DESI2: variants seen among roughly 807,000 people sequenced by gnomAD.
The protein encoded by DESI2 is deubiquitinase DESI2.
Under a neutral mutation model 24.1 loss-of-function variants are expected in DESI2, and 10 were observed. The ratio of observed to expected loss-of-function variants is 0.41; its 90% CI spans 0.26 to 0.70. The LOEUF is 0.70. DESI2 is among the 30% of genes least tolerant of loss of function. DESI2 has a pLI of 0.29. For missense variants in DESI2, 122 were observed against 234.9 expected, an observed-to-expected ratio of 0.52 and a Z score of 3.14; for synonymous variants, 71 against 87.7, an observed-to-expected ratio of 0.81 and a Z score of 1.06.
intron 1 of DESI2, among the ~76,000 whole-genome samples, chr1:244,678,921 G>T (rs1437275601): frequency 6.6e-6 from 1 of 152,170 alleles, no homozygotes; most frequent in Non-Finnish European, 1.5e-5. Flanking sequence ...TTCTCAATTG[G>T]AAAAGGCAAT....
In DESI2 at chr1:244,675,058, G is replaced by A. The variant is rs191854528; in HGVS notation, c.43-11539G>A. Among the ~76,000 whole-genome samples the A allele has an allele frequency of 3.3e-5, 5 of 152,296 alleles. No homozygotes were observed. In the East Asian group the frequency reaches 9.6e-4, roughly 29 times the overall value. On this transcript the variant is annotated intron_variant, in intron 1 of 4. Coordinates refer to ENST00000302550, the MANE Select transcript of DESI2 (RefSeq NM_016076.5). Reference sequence around the variant, plus strand: ...TTTGATTATAGTCATCTGAGTAGGTGTGACATGATAGATAATGGTGGTTTT... The same window carrying A: ...TTTGATTATAGTCATCTGAGTAGGTATGACATGATAGATAATGGTGGTTTT...
chr1:244,690,523 C>T (rs953248513), intron 3 of DESI2, among the ~76,000 whole-genome samples: 11 of 151,976 alleles, frequency 7.2e-5, no homozygotes, highest in Admixed American at 3.9e-4. Flanking sequence ...CTGGGCAACA[C>T]GGTGAAACCC....
chr1:244,655,477 TCAGCAACCTAC>T (rs561379790), intron 1 of DESI2, among the ~76,000 whole-genome samples: 1 of 152,336 alleles, frequency 6.6e-6, no homozygotes, highest in Admixed American at 6.5e-5. Context: ...TGTCACTAAT[TCAGCAACCTAC>T]CATTACTTAT....
chr1:244,683,392 A>G (rs1322427020), intron 1 of DESI2, among the ~76,000 whole-genome samples: 1 of 151,844 alleles, frequency 6.6e-6, no homozygotes, highest in Non-Finnish European at 1.5e-5. Context: ...GCTCACTGCA[A>G]GCTCCGCCTC....
chr1:244,672,899 T>TGC (rs1676296526), intron 1 of DESI2, among the ~76,000 whole-genome samples: 1 of 138,268 alleles, frequency 7.2e-6, no homozygotes, highest in African/African-American at 2.7e-5. Context: ...ATAATAATAA[T>TGC]AGCAGTTATT....
chr1:244,671,093 G>A (rs1053893884), intron 1 of DESI2, among the ~76,000 whole-genome samples: 1 of 152,216 alleles, frequency 6.6e-6, no homozygotes, highest in African/African-American at 2.4e-5. Flanking sequence ...GGATGTTGTG[G>A]TAACTCTTCT....
intron 1 of DESI2, chr1:244,653,928 T>C (rs569511384): frequency 2.1e-6 from 1 of 471,206 alleles, no homozygotes; most frequent in African/African-American, 2.0e-5. Flanking sequence ...CTCGTTAAAA[T>C]ATGAATGAGG....
intron 4 of DESI2, among the ~76,000 whole-genome samples, chr1:244,699,669 T>C (rs551477795): frequency 6.7e-6 from 1 of 149,618 alleles, no homozygotes; most frequent in East Asian, 2.0e-4. Flanking sequence ...ACAAAAGGTC[T>C]GGATGAGAGT....
chr1:244,701,207 TCCCCTCCACCCCCCCCCCC>T (rs1677440132), intron 4 of DESI2, among the ~76,000 whole-genome samples: 1 of 39,628 alleles, frequency 2.5e-5, no homozygotes, highest in Non-Finnish European at 3.7e-5. Context: ...TGGACCACCT[TCCCCTCCACCCCCCCCCCC>T]CCCCCCCCGC....
chr1:244,661,992 TC>T (rs1325143621), intron 1 of DESI2, among the ~76,000 whole-genome samples: 1 of 152,214 alleles, frequency 6.6e-6, no homozygotes, highest in Non-Finnish European at 1.5e-5. Context: ...CACACTGACT[TC>T]CACAATGGTT....
At chr1:244,701,098 G>T (rs1677433536) in intron 4 of DESI2, among the ~76,000 whole-genome samples, 1 of 150,016 alleles carries the variant, frequency 6.7e-6, no homozygotes, top group African/African-American at 2.5e-5. Flanking sequence ...AACATTTAAT[G>T]ATTTAGGAAA....
At chr1:244,678,074 G>A (rs1272328598) in intron 1 of DESI2, among the ~76,000 whole-genome samples, 1 of 152,170 alleles carries the variant, frequency 6.6e-6, no homozygotes, top group African/African-American at 2.4e-5. Context: ...CAGTTGACCT[G>A]ATAGTTCAAC....
chr1:244,679,486 C>T (rs536630790), intron 1 of DESI2, among the ~76,000 whole-genome samples: 10 of 152,208 alleles, frequency 6.6e-5, no homozygotes, highest in African/African-American at 1.7e-4. Flanking sequence ...CTCTCACACC[C>T]GTCCTACACT....
At chr1:244,695,183 T>C (rs113165639) in intron 4 of DESI2, among the ~76,000 whole-genome samples, 5 of 152,254 alleles carry the variant, frequency 3.3e-5, no homozygotes, top group African/African-American at 1.2e-4. Context: ...ACCATGTCTC[T>C]CTCCCTTTGG....
At position 244,668,410 on chromosome 1, in the gene DESI2, A is replaced by C. The variant is rs142030526; in HGVS notation, c.42+15055A>C. ...TAGCCCACGATCTCCACTAGTCACA[A>C]CTGATATGGGGCTTTTTAAAAACTC... On this transcript the variant is annotated intron_variant, in intron 1 of 4. Transcript: ENST00000302550. Among the ~76,000 whole-genome samples, 4 of 152,340 alleles carry C rather than the reference A, an allele frequency of 2.6e-5. No homozygotes were observed. In the East Asian group the frequency reaches 7.7e-4, roughly 29 times the overall value.
intron 4 of DESI2, among the ~76,000 whole-genome samples, chr1:244,697,945 C>T (rs1466830957): frequency 6.6e-6 from 1 of 152,144 alleles, no homozygotes; most frequent in Non-Finnish European, 1.5e-5. Flanking sequence ...CCTGCACGCC[C>T]TCAACCCCAT....
At chr1:244,702,342 C>T (rs1352712477) in intron 4 of DESI2, among the ~76,000 whole-genome samples, 3 of 152,052 alleles carry the variant, frequency 2.0e-5, no homozygotes, top group Non-Finnish European at 2.9e-5. Context: ...GGTGAAACGC[C>T]GTCTCTACTA....
chr1:244,667,128 T>A, intron 1 of DESI2, among the ~76,000 whole-genome samples: 1 of 152,204 alleles, frequency 6.6e-6, no homozygotes, highest in Middle Eastern at 3.4e-3. Flanking sequence ...GTCCTCACAT[T>A]TCAAAACCAA....
intron 2 of DESI2, among the ~76,000 whole-genome samples, chr1:244,687,898 A>G (rs1004453793): frequency 1.6e-4 from 24 of 152,220 alleles, no homozygotes; most frequent in African/African-American, 5.8e-4. Flanking sequence ...CTGTTCTTAA[A>G]ATGCCATCAA....
Sources: allele counts gnomAD v4.1 joint callset (sites outside exome capture counted in the v4.1 genomes callset), GRCh38; gene constraint gnomAD v4.1.1; transcripts MANE v1.5; gene names NCBI Gene and HGNC (gene_info 2026-07-23, HGNC 2026-07-21).